The following ETFA variants were observed in gnomAD, a reference collection of about 807,000 sequenced individuals.
ETFA encodes the protein electron transfer flavoprotein subunit alpha, mitochondrial.
ETFA carries 22 observed loss-of-function variants against 46.2 expected under a neutral mutation model. The observed-to-expected ratio is 0.48, with a 90% CI of 0.34 to 0.68. The LOEUF is 0.68. Ranked by LOEUF, ETFA falls within the 30% of genes least tolerant of loss-of-function variation. The pLI is 0.01. For synonymous variants in ETFA, 131 were observed against 139.9 expected, an observed-to-expected ratio of 0.94 and a Z score of 0.45; for missense variants, 345 against 401.1, an observed-to-expected ratio of 0.86 and a Z score of 1.19.
At chr15:76,227,424 G>C (rs2039014698) in intron 10 of ETFA, among the ~76,000 whole-genome samples, 1 of 144,404 alleles carries the variant, frequency 6.9e-6, no homozygotes, top group Admixed American at 7.2e-5. Flanking sequence ...GGCTCAGACA[G>C]GAGAATCGCT....
intron 8 of ETFA, among the ~76,000 whole-genome samples, chr15:76,283,035 A>T (rs1386253912): frequency 6.6e-6 from 1 of 152,202 alleles, no homozygotes; most frequent in Non-Finnish European, 1.5e-5. Flanking sequence ...CTTACCTATA[A>T]ATGGTTAACT....
At chr15:76,245,506 C>T (rs2039235143) in intron 9 of ETFA, among the ~76,000 whole-genome samples, 1 of 152,148 alleles carries the variant, frequency 6.6e-6, no homozygotes, top group Admixed American at 6.5e-5. Flanking sequence ...TGTTCCTACA[C>T]AGACTTTTCA....
intron 9 of ETFA, among the ~76,000 whole-genome samples, chr15:76,253,247 T>C (rs1249624653): frequency 3.3e-5 from 5 of 152,200 alleles, no homozygotes; most frequent in Non-Finnish European, 7.3e-5. Context: ...ATACTAGGAA[T>C]TGTTCCATAA....
chr15:76,290,240 A>T (rs1311250256), intron 4 of ETFA, among the ~76,000 whole-genome samples: 1 of 152,154 alleles, frequency 6.6e-6, no homozygotes, highest in East Asian at 1.9e-4. Flanking sequence ...ATATAAATGC[A>T]AAAAACTGGA....
At chr15:76,243,778 G>A (rs943778168) in intron 9 of ETFA, among the ~76,000 whole-genome samples, 9 of 150,110 alleles carry the variant, frequency 6.0e-5, no homozygotes, top group African/African-American at 1.7e-4. Flanking sequence ...TGGCCTGAGC[G>A]ACAGAGCAAG....
intron 9 of ETFA, among the ~76,000 whole-genome samples, chr15:76,258,197 T>C (rs962596839): frequency 1.4e-5 from 2 of 146,044 alleles, no homozygotes; most frequent in Non-Finnish European, 3.0e-5. Flanking sequence ...AATAAAGATA[T>C]TTTGAAATTT....
intron 1 of ETFA, among the ~76,000 whole-genome samples, chr15:76,308,920 TG>T (rs1190173676): frequency 6.6e-6 from 1 of 152,244 alleles, no homozygotes; most frequent in Non-Finnish European, 1.5e-5. Flanking sequence ...TGTATATATG[TG>T]GAAAGATAAA....
At chr15:76,261,309 G>A (rs1038524577) in intron 9 of ETFA, 3 of 1,508,570 alleles carry the variant, frequency 2.0e-6, no homozygotes, top group Non-Finnish European at 1.8e-6. Context: ...CTACTACCGT[G>A]AGCCACACTG....
At chr15:76,288,055 ATATTT>A (rs1280089744) in intron 4 of ETFA, 110 bp from the exon 5 acceptor site, 8 of 752,894 alleles carry the variant, frequency 1.1e-5, no homozygotes, top group Middle Eastern at 2.4e-4. Context: ...TTTAATTCAA[ATATTT>A]TATATTTCGT....
At chr15:76,247,974 T>A (rs576099899) in intron 9 of ETFA, among the ~76,000 whole-genome samples, 1 of 152,364 alleles carries the variant, frequency 6.6e-6, no homozygotes, top group Admixed American at 6.5e-5. Flanking sequence ...AGCTTTAGTA[T>A]CTATACAATT....
intron 9 of ETFA, among the ~76,000 whole-genome samples, chr15:76,256,083 C>A (rs1210539124): frequency 6.6e-6 from 1 of 151,514 alleles, no homozygotes; most frequent in Non-Finnish European, 1.5e-5. Flanking sequence ...CATGGTGAAA[C>A]CTTATCTCCA....
chr15:76,283,944 T>C (rs2039680261), intron 7 of ETFA, 119 bp from the exon 8 acceptor site: 1 of 707,754 alleles, frequency 1.4e-6, no homozygotes, highest in Non-Finnish European at 2.5e-6. Flanking sequence ...ATTAAGCATG[T>C]CACCTCCTCT....
intron 10 of ETFA, among the ~76,000 whole-genome samples, chr15:76,226,865 T>C (rs2957036): frequency 0.98 from 148,930 of 152,196 alleles, 72,948 homozygotes; most frequent in South Asian, 1. Context: ...GGCGACAGAG[T>C]GAGACTCCGT....
intron 1 of ETFA, among the ~76,000 whole-genome samples, chr15:76,307,307 CTTTGT>C (rs1184484505): frequency 1.5e-4 from 23 of 152,074 alleles, no homozygotes; most frequent in African/African-American, 5.6e-4. Context: ...TAAAAACTAT[CTTTGT>C]TAACAGATGA....
At chr15:76,275,265 T>C (rs1228112630) in intron 8 of ETFA, among the ~76,000 whole-genome samples, 1 of 152,198 alleles carries the variant, frequency 6.6e-6, no homozygotes, top group East Asian at 1.9e-4. Flanking sequence ...TTCTGGAATA[T>C]GGAGCCCAAT....
chr15:76,280,917 C>CTTTTTTTT (rs35907442), intron 8 of ETFA, among the ~76,000 whole-genome samples: 1 of 102,060 alleles, frequency 9.8e-6, no homozygotes, highest in Non-Finnish European at 1.8e-5. Context: ...GTTCAGATGT[C>CTTTTTTTT]TTTTTTTTTT....
At chr15:76,245,015 A>T (rs928705290) in intron 9 of ETFA, among the ~76,000 whole-genome samples, 1 of 152,258 alleles carries the variant, frequency 6.6e-6, no homozygotes, top group African/African-American at 2.4e-5. Context: ...AGCTGAGAAG[A>T]CAAACCAAAG....
rs2039718254 is a variant in ETFA at position 76,287,952 on chromosome 15, G to A, written c.352-7C>T. On this transcript the variant is annotated splice_polypyrimidine_tract_variant and splice_region_variant and intron_variant, in intron 4 of 11. Coordinates refer to ENST00000557943, the MANE Select transcript of ETFA (RefSeq NM_000126.4). The stretch of plus-strand genomic sequence containing the variant: ...CTACTCTGGGCAAAAGGTTCTAAAA[G>A]CAAAATAAGCAGTGAGTTAACACAC... The A allele has an allele frequency of 8.1e-6, 13 of 1,595,600 alleles. No homozygotes were observed. Among genetic ancestry groups the A allele is most frequent in the Non-Finnish European group, 1.1e-5 (13 of 1,163,300 alleles).
At chr15:76,261,879 T>A (rs1048559911) in intron 9 of ETFA, among the ~76,000 whole-genome samples, 2 of 152,340 alleles carry the variant, frequency 1.3e-5, no homozygotes, top group Middle Eastern at 3.4e-3. Flanking sequence ...CCAGGTGCAG[T>A]GGTTCACACC....
Sources: gnomAD v4.1 joint callset for allele counts (sites outside exome capture counted in the v4.1 genomes callset) on GRCh38, gnomAD v4.1.1 for gene constraint, MANE v1.5 for transcripts, NCBI Gene and HGNC (gene_info 2026-07-23, HGNC 2026-07-21) for gene names.